The following ADAM18 variants were observed in gnomAD, a reference collection of about 807,000 sequenced individuals.
ADAM18 encodes the protein disintegrin and metalloproteinase domain-containing protein 18.
ADAM18 carries 117 observed loss-of-function variants against 94.4 expected under a neutral mutation model. The observed-to-expected ratio is 1.24, with a 90% CI of 1.07 to 1.45. The LOEUF (loss-of-function observed/expected upper bound fraction) is 1.45. Ranked by LOEUF, ADAM18 falls within the 40% of genes most tolerant of loss-of-function variation. The probability of loss-of-function intolerance (pLI) is 0.00; values close to 1 mark genes in which losing one functional copy is unlikely to be tolerated. For synonymous variants in ADAM18, 327 were observed against 291.6 expected (o/e 1.12, Z -1.24); for missense variants, 936 against 880.0 (o/e 1.06, Z -0.81).
intron 13 of ADAM18, among the ~76,000 whole-genome samples, chr8:39,665,027 G>A (rs1366260815): frequency 2.0e-5 from 3 of 151,966 alleles, no homozygotes; most frequent in Non-Finnish European, 1.5e-5. Flanking sequence ...CTTATAACTA[G>A]CATCATAAAA....
intron 6 of ADAM18, among the ~76,000 whole-genome samples, chr8:39,626,287 T>TA (rs1451864183): frequency 1.3e-5 from 2 of 152,118 alleles, no homozygotes; most frequent in Non-Finnish European, 2.9e-5. Context: ...AAAACTTCTT[T>TA]TAATCTTGTC....
At position 39,729,756 on chromosome 8, in the gene ADAM18, A is replaced by G. The variant is rs981682752; in HGVS notation, c.2178-142A>G. On this transcript the variant is annotated intron_variant, in intron 19 of 19. Coordinates refer to ENST00000265707, the MANE Select transcript of ADAM18 (RefSeq NM_014237.3). ...AGATAATGTAACATCTATAATATAG[A>G]TAACCAAACTTATCTATAATAATCT... 4.7e-6 allele frequency: 3 copies of G among 641,614 alleles called. No homozygotes were observed. In the Admixed American group the frequency reaches 8.7e-5, roughly 19 times the overall value. 39.7% of individuals were successfully genotyped at this position (641,614 alleles called of 1,614,324 possible).
intron 17 of ADAM18, among the ~76,000 whole-genome samples, chr8:39,702,837 C>T (rs920262691): frequency 6.6e-6 from 1 of 152,034 alleles, no homozygotes; most frequent in Admixed American, 6.5e-5. Context: ...TTCCATAGGT[C>T]TATGTGTTCT....
intron 6 of ADAM18, among the ~76,000 whole-genome samples, chr8:39,614,138 A>G (rs1448746009): frequency 6.6e-6 from 1 of 152,190 alleles, no homozygotes; most frequent in Non-Finnish European, 1.5e-5. Flanking sequence ...CCCCAGGAAA[A>G]TGCTATACGA....
intron 2 of ADAM18, among the ~76,000 whole-genome samples, chr8:39,598,854 CA>C (rs1384645704): frequency 6.6e-6 from 1 of 151,996 alleles, no homozygotes; most frequent in Non-Finnish European, 1.5e-5. Context: ...CTTTCTCACC[CA>C]GGCTGGAGTG....
chr8:39,716,586 A>C (rs1189307533), intron 18 of ADAM18, among the ~76,000 whole-genome samples: 2 of 151,870 alleles, frequency 1.3e-5, no homozygotes, highest in African/African-American at 4.8e-5. Flanking sequence ...ATCTTCTTAA[A>C]TTTGTTAACT....
Position 39,610,617 on chromosome 8 carries a change from A to G in ADAM18, c.433A>G (p.Asn145Asp). 6.2e-7 allele frequency: 1 copy of G among 1,613,120 alleles called. No individual in the cohort carries two copies. Among genetic ancestry groups the G allele is most frequent in the Non-Finnish European group, 8.5e-7 (1 of 1,179,408 alleles). Residue 145 changes from asparagine (N) to aspartate (D), a missense_variant, in exon 6 of 20, where the codon AAT becomes GAT. Physicochemically the swap from Asn to Asp is conservative, Grantham distance 23. Transcript: ENST00000265707. ...TGAGCATATAATTTATCAAATGAAA[A>G]ATAATGATCCAAATGTATCCATTTT... ...RFEHIIYQMK[N>D]NDPNVSILAV...
At chr8:39,686,259 C>T (rs894943440) in intron 16 of ADAM18, among the ~76,000 whole-genome samples, 3 of 152,166 alleles carry the variant, frequency 2.0e-5, no homozygotes, top group African/African-American at 7.2e-5. Flanking sequence ...TTAGTGCACT[C>T]ATGCTGCTAT....
chr8:39,666,371 G>A (rs1302719247), intron 13 of ADAM18, among the ~76,000 whole-genome samples: 2 of 152,028 alleles, frequency 1.3e-5, no homozygotes, highest in South Asian at 2.1e-4. Context: ...GAAAGTCTTT[G>A]TGTCTCATCC....
In ADAM18 at chr8:39,673,480, C is replaced by G. The variant is rs185858178; in HGVS notation, c.1526-3951C>G. 3.9e-4 allele frequency among the ~76,000 whole-genome samples: 59 copies of G among 152,206 alleles called. 1 individual carries two copies. In the East Asian group the frequency reaches 0.01, roughly 26 times the overall value. On this transcript the variant is annotated intron_variant, in intron 14 of 19. Coordinates refer to ENST00000265707, the MANE Select transcript of ADAM18 (RefSeq NM_014237.3). ...TATCCCTCTCCCCACACCCCACCCC[C>G]CAACAAGCCCCAGCATGTGACGTTC...
intron 18 of ADAM18, among the ~76,000 whole-genome samples, chr8:39,721,764 G>A (rs1028694413): frequency 2.0e-5 from 3 of 151,408 alleles, no homozygotes; most frequent in Non-Finnish European, 3.0e-5. Context: ...AGATGTAGGT[G>A]AAGATGTGGA....
At chr8:39,680,769 T>C (rs377355834) in intron 16 of ADAM18, among the ~76,000 whole-genome samples, 35 of 152,330 alleles carry the variant, frequency 2.3e-4, no homozygotes, top group African/African-American at 8.2e-4. Context: ...ACTTGGTTAA[T>C]CTTGCAATAT....
chr8:39,699,070 AT>A (rs1297775550), intron 17 of ADAM18, among the ~76,000 whole-genome samples: 1 of 151,946 alleles, frequency 6.6e-6, no homozygotes, highest in East Asian at 1.9e-4. Context: ...TCTGTTGTTT[AT>A]TTTTGTCTCC....
chr8:39,648,354 G>A lies in ADAM18; in HGVS notation c.1057G>A (p.Gly353Ser). ...IMNHEAVSAS[G>S]RKIFSNCSMH... The stretch of plus-strand genomic sequence containing the variant: ...ATTATTTTATTTTAGGAGTGCCAGT[G>A]GTAGAAAGATTTTTAGCAACTGCAG... Residue 353 changes from glycine to serine, a missense_variant, in exon 12 of 20, where the codon GGT (glycine) becomes AGT (serine). Physicochemically the swap from Gly to Ser is moderately conservative, Grantham distance 56 (BLOSUM62 0). Transcript: ENST00000265707. 1.3e-6 allele frequency: 2 copies of A among 1,590,660 alleles called. No homozygotes were observed. The highest frequency in any genetic ancestry group is 1.7e-6 in the Non-Finnish European group (2 of 1,169,282).
chr8:39,584,780 T>C (rs1443740259), intron 1 of ADAM18, 103 bp downstream of exon 1: 7 of 1,327,052 alleles, frequency 5.3e-6, no homozygotes, highest in Non-Finnish European at 7.5e-6. Flanking sequence ...CCCTCTCCCT[T>C]CTGGGATCCC....
intron 15 of ADAM18, among the ~76,000 whole-genome samples, chr8:39,677,846 G>A (rs1452985432): frequency 6.6e-6 from 1 of 152,104 alleles, no homozygotes; most frequent in Non-Finnish European, 1.5e-5. Context: ...TCTATAAATA[G>A]CAACAATCTT....
chr8:39,652,522 C>A (rs1820565956), intron 12 of ADAM18, among the ~76,000 whole-genome samples: 1 of 152,014 alleles, frequency 6.6e-6, no homozygotes, highest in Admixed American at 6.6e-5. Context: ...AGAATACGAT[C>A]ATCAAAATAG....
chr8:39,628,790 T>C (rs892707191), intron 6 of ADAM18, among the ~76,000 whole-genome samples: 2 of 152,182 alleles, frequency 1.3e-5, no homozygotes, highest in African/African-American at 4.8e-5. Context: ...GATAATCATA[T>C]GAGTACACAG....
At chr8:39,600,662 T>C (rs1443825150) in intron 2 of ADAM18, among the ~76,000 whole-genome samples, 1 of 152,252 alleles carries the variant, frequency 6.6e-6, no homozygotes, top group African/African-American at 2.4e-5. Flanking sequence ...CGAGCCTTAA[T>C]AAGACTGAAT....
Sources: gnomAD v4.1 joint callset for allele counts (sites outside exome capture counted in the v4.1 genomes callset) on GRCh38, gnomAD v4.1.1 for gene constraint, MANE v1.5 for transcripts, NCBI Gene and HGNC (gene_info 2026-07-23, HGNC 2026-07-21) for gene names.